Variants in ASIC2 observed in about 807,000 individuals in gnomAD.
The protein encoded by ASIC2 is acid-sensing ion channel 2.
A neutral mutation model predicts 57.3 loss-of-function variants in ASIC2; 25 were observed. The observed-to-expected ratio is 0.44, with a 90% CI of 0.32 to 0.61. The LOEUF is 0.61. ASIC2 is among the 20% of genes least tolerant of loss of function. ASIC2 has a pLI of 0.06. For synonymous variants in ASIC2, 319 were observed against 307.5 expected (o/e 1.04, Z -0.39); for missense variants, 641 against 738.1 (o/e 0.87, Z 1.52).
chr17:33,044,489 C>T (rs2091943656), intron 3 of ASIC2, among the ~76,000 whole-genome samples: 2 of 152,234 alleles, frequency 1.3e-5, no homozygotes, highest in South Asian at 4.1e-4. Context: ...TCTCCTGCCT[C>T]AGCCTCCCAA....
At chr17:33,304,929 A>G (rs867100641) in intron 1 of ASIC2, among the ~76,000 whole-genome samples, 6 of 152,022 alleles carry the variant, frequency 3.9e-5, no homozygotes, top group South Asian at 2.1e-4. Context: ...CTCCAGTTAC[A>G]ACTGTGCTTC....
At chr17:34,050,257 T>C (rs1208074161) in intron 1 of ASIC2, among the ~76,000 whole-genome samples, 2 of 152,170 alleles carry the variant, frequency 1.3e-5, no homozygotes, top group African/African-American at 2.4e-5. Context: ...AGATTATTTG[T>C]CACCACTTCG....
At chr17:33,869,702 G>A (rs1374032079) in intron 1 of ASIC2, among the ~76,000 whole-genome samples, 1 of 152,180 alleles carries the variant, frequency 6.6e-6, no homozygotes, top group African/African-American at 2.4e-5. Context: ...ATCTGTAGAG[G>A]CCAATGGAAA....
chr17:33,118,565 G>A (rs2092289412), intron 1 of ASIC2, among the ~76,000 whole-genome samples: 1 of 152,134 alleles, frequency 6.6e-6, no homozygotes, highest in Admixed American at 6.5e-5. Context: ...GTGCTTTGCT[G>A]ACATTAGAGC....
intron 1 of ASIC2, among the ~76,000 whole-genome samples, chr17:33,690,769 A>G (rs1404581599): frequency 1.8e-5 from 1 of 54,656 alleles, no homozygotes; most frequent in Non-Finnish European, 3.3e-5. Flanking sequence ...TTTTTTTTTG[A>G]GACGGAGTCT....
intron 1 of ASIC2, among the ~76,000 whole-genome samples, chr17:33,656,608 C>T (rs1049892695): frequency 6.6e-6 from 1 of 152,176 alleles, no homozygotes; most frequent in Admixed American, 6.5e-5. Context: ...CAGGAATATG[C>T]TCTCTATTCC....
intron 1 of ASIC2, among the ~76,000 whole-genome samples, chr17:33,602,603 G>T (rs1466576426): frequency 1.3e-5 from 2 of 152,112 alleles, no homozygotes; most frequent in African/African-American, 4.8e-5. Flanking sequence ...AAAATAAATA[G>T]ATGCCCCCAC....
At chr17:33,336,217 C>T (rs533068518) in intron 1 of ASIC2, among the ~76,000 whole-genome samples, 2 of 151,978 alleles carry the variant, frequency 1.3e-5, no homozygotes, top group African/African-American at 4.8e-5. Context: ...TATCTCTAGG[C>T]CAGTCATTTA....
chr17:33,699,797 T>C (rs1312664039), intron 1 of ASIC2, among the ~76,000 whole-genome samples: 1 of 152,234 alleles, frequency 6.6e-6, no homozygotes, highest in African/African-American at 2.4e-5. Flanking sequence ...AGCATACATT[T>C]ATTGTTTCCA....
chr17:33,754,810 TA>T (rs1910543630), intron 1 of ASIC2, among the ~76,000 whole-genome samples: 1 of 151,746 alleles, frequency 6.6e-6, no homozygotes, highest in South Asian at 2.1e-4. Flanking sequence ...CAAAAAAAGT[TA>T]GCCAGGCATG....
In ASIC2 at chr17:33,884,328, G is replaced by A. The variant is rs188126387; in HGVS notation, c.555+271650C>T. Reference sequence around the variant, plus strand: ...ACAACTCCTCCATGGCTCTGGGAACGCCATTTCCCTATATTACTCCTTCAG... The same window carrying A: ...ACAACTCCTCCATGGCTCTGGGAACACCATTTCCCTATATTACTCCTTCAG... On this transcript the variant is annotated intron_variant, in intron 1 of 9. Coordinates refer to the ASIC2 transcript ENST00000359872. Among the ~76,000 whole-genome samples the A allele has an allele frequency of 1.8e-3, 268 of 152,246 alleles. 1 individual carries two copies. In the Middle Eastern group the frequency reaches 0.024, roughly 14 times the overall value.
At chr17:33,705,130 A>G (rs1178367841) in intron 1 of ASIC2, among the ~76,000 whole-genome samples, 2 of 152,048 alleles carry the variant, frequency 1.3e-5, no homozygotes, top group Non-Finnish European at 2.9e-5. Context: ...AAAGCATGAA[A>G]TTTTTCTTCC....
chr17:33,575,396 G>C (rs779009232), intron 1 of ASIC2, among the ~76,000 whole-genome samples: 1 of 152,210 alleles, frequency 6.6e-6, no homozygotes, highest in African/African-American at 2.4e-5. Context: ...GGGAAGCACT[G>C]TGAAATGTAG....
At chr17:33,615,227 T>C (rs79165066) in intron 1 of ASIC2, among the ~76,000 whole-genome samples, 10,671 of 152,256 alleles carry the variant, frequency 0.07, 472 homozygotes, top group Non-Finnish European at 0.1. Flanking sequence ...ATGGCTAATT[T>C]CAAAGATTTC....
At position 34,156,659 on chromosome 17, in the gene ASIC2, A is replaced by G; in HGVS notation, c.-127T>C. The G allele has an allele frequency of 9.8e-7, 1 of 1,019,088 alleles. No individual in the cohort carries two copies. Among genetic ancestry groups the G allele is most frequent in the Non-Finnish European group, 1.4e-6 (1 of 715,834 alleles). The allele number at this position is 1,019,088 out of a possible 1,614,324, so 63.1% of individuals were successfully genotyped here. On this transcript the variant is annotated 5_prime_UTR_variant, in exon 1 of 10. Coordinates refer to the ASIC2 transcript ENST00000359872. The surrounding 1 kb of genome is among the most constrained non-coding windows in gnomAD (Gnocchi z 4.4). ...GAACGCAAGGCAAGCATCGCGCCAG[A>G]TGCTGTGAGTTTATCCTGAGAGCCC...
chr17:33,051,459 A>G (rs1161285756), intron 3 of ASIC2, among the ~76,000 whole-genome samples: 1 of 152,284 alleles, frequency 6.6e-6, no homozygotes, highest in Middle Eastern at 3.4e-3. Flanking sequence ...CAGCCCTGTG[A>G]ATTCAAGTTT....
At chr17:33,762,083 T>G (rs2142113235) in intron 1 of ASIC2, among the ~76,000 whole-genome samples, 1 of 152,224 alleles carries the variant, frequency 6.6e-6, no homozygotes. Context: ...CCATTTGATC[T>G]TGCAAATGCC....
At chr17:33,887,600 A>T (rs1914858899) in intron 1 of ASIC2, among the ~76,000 whole-genome samples, 1 of 152,134 alleles carries the variant, frequency 6.6e-6, no homozygotes, top group Non-Finnish European at 1.5e-5. Context: ...GTGTGCGGAG[A>T]GGTGAGACCT....
At chr17:33,680,182 C>T (rs1907956786) in intron 1 of ASIC2, among the ~76,000 whole-genome samples, 1 of 152,050 alleles carries the variant, frequency 6.6e-6, no homozygotes, top group African/African-American at 2.4e-5. Context: ...GGCCTTCTCC[C>T]CATTCTTTCT....
Sources: gnomAD v4.1 joint callset for allele counts (sites outside exome capture counted in the v4.1 genomes callset) on GRCh38, gnomAD v4.1.1 for gene constraint, Gnocchi (gnomAD v3.1) non-coding constraint, MANE v1.5 for transcripts, NCBI Gene and HGNC (gene_info 2026-07-23, HGNC 2026-07-21) for gene names.